ZCCHC7: variants seen among roughly 807,000 people sequenced by gnomAD.
ZCCHC7 encodes zinc finger CCHC-type containing 7.
In ZCCHC7, 35 loss-of-function variants were observed where a neutral mutation model predicts 52.0. That is an observed-to-expected ratio of 0.67 (90% CI 0.51 to 0.89). ZCCHC7 has a LOEUF of 0.89. ZCCHC7 is among the 40% of genes least tolerant of loss of function. The pLI, the probability that ZCCHC7 is intolerant of heterozygous loss-of-function variation, is 0.00. For synonymous variants in ZCCHC7, 217 were observed against 221.5 expected, an observed-to-expected ratio of 0.98 and a Z score of 0.18; for missense variants, 574 against 649.1, an observed-to-expected ratio of 0.88 and a Z score of 1.26.
rs75995803 is a variant in ZCCHC7 at position 37,355,086 on chromosome 9, A to G, written c.1198+262A>G. 0.051 allele frequency among the ~76,000 whole-genome samples: 7,752 copies of G among 152,220 alleles called. 644 individuals are homozygous for G. The highest frequency in any genetic ancestry group is 0.17 in the African/African-American group (7,260 of 41,506). On this transcript the variant is annotated intron_variant, in intron 8 of 8. Coordinates refer to ENST00000336755, the MANE Select transcript of ZCCHC7 (RefSeq NM_032226.3). Reference sequence around the variant, plus strand: ...CCAGAAAATATTGCTGTCCATCTATATAGGCAGAGTTTTTAAAGGCTCCTT... The same window carrying G: ...CCAGAAAATATTGCTGTCCATCTATGTAGGCAGAGTTTTTAAAGGCTCCTT...
chr9:37,190,006 G>A (rs1822934819), intron 2 of ZCCHC7, among the ~76,000 whole-genome samples: 1 of 152,088 alleles, frequency 6.6e-6, no homozygotes, highest in Admixed American at 6.5e-5. Context: ...GGTACTTTTT[G>A]GTTGCCTAAT....
At chr9:37,336,887 A>T (rs1830689444) in intron 6 of ZCCHC7, among the ~76,000 whole-genome samples, 1 of 152,190 alleles carries the variant, frequency 6.6e-6, no homozygotes, top group Admixed American at 6.5e-5. Context: ...CATGTACTAA[A>T]TGGTTTCTTT....
intron 5 of ZCCHC7, among the ~76,000 whole-genome samples, chr9:37,310,148 A>G (rs1022685798): frequency 2.0e-5 from 3 of 152,184 alleles, no homozygotes; most frequent in Non-Finnish European, 4.4e-5. Context: ...TATTTGGTTG[A>G]AATTCCAGAG....
rs1326254805 is a variant in ZCCHC7, at chr9:37,357,092, T to A, written c.1456T>A (p.Phe486Ile). The A allele has an allele frequency of 6.2e-7, 1 of 1,613,724 alleles. No homozygotes were observed. The highest frequency in any genetic ancestry group is 1.7e-5 in the Admixed American group (1 of 59,962). The part of the protein sequence containing the change: ...GPKTYSSPGS[F>I]KTQKPSKPFH... ...CAAAACCTACTCTTCTCCTGGCAGT[T>A]TTAAAACCCAGAAGCCTTCTAAGCC... The change falls in exon 9 of 9, where the codon TTT becomes ATT. Residue 486 changes from phenylalanine to isoleucine, a missense_variant. Physicochemically the swap from Phe to Ile is conservative, Grantham distance 21. Coordinates refer to ENST00000336755, the MANE Select transcript of ZCCHC7 (RefSeq NM_032226.3).
At chr9:37,141,324 T>G (rs1843219009) in intron 2 of ZCCHC7, among the ~76,000 whole-genome samples, 1 of 151,936 alleles carries the variant, frequency 6.6e-6, no homozygotes, top group Non-Finnish European at 1.5e-5. Flanking sequence ...GTTTCTTTGT[T>G]TTGATCTTTC....
At chr9:37,262,390 G>A (rs1176752140) in intron 2 of ZCCHC7, among the ~76,000 whole-genome samples, 1 of 152,032 alleles carries the variant, frequency 6.6e-6, no homozygotes, top group Non-Finnish European at 1.5e-5. Context: ...CTTGTTTTAT[G>A]AACTCTAATT....
chr9:37,208,991 A>G (rs1393200845), intron 2 of ZCCHC7, among the ~76,000 whole-genome samples: 3 of 152,130 alleles, frequency 2.0e-5, no homozygotes, highest in Non-Finnish European at 4.4e-5. Flanking sequence ...AAAAATATTA[A>G]TAACTTTATT....
At chr9:37,279,505 C>T (rs182910221) in intron 2 of ZCCHC7, among the ~76,000 whole-genome samples, 8 of 151,390 alleles carry the variant, frequency 5.3e-5, no homozygotes, top group African/African-American at 9.7e-5. Flanking sequence ...CTCCAAAGGA[C>T]GAAAGGACGG....
At chr9:37,126,279 A>C (rs532658574) in intron 1 of ZCCHC7, 33 bp from the exon 2 acceptor site, 14 of 1,543,190 alleles carry the variant, frequency 9.1e-6, no homozygotes, top group East Asian at 2.3e-5. Context: ...GAACTTTTAA[A>C]GTATATTCTG....
intron 2 of ZCCHC7, 53 bp from the exon 3 acceptor site, chr9:37,302,135 C>CT (rs1478975671): frequency 4.2e-6 from 6 of 1,425,520 alleles, no homozygotes; most frequent in Non-Finnish European, 5.9e-6. Context: ...TATTGTCAAT[C>CT]TATAAGTCCT....
At chr9:37,342,226 A>C (rs1820686740) in intron 6 of ZCCHC7, among the ~76,000 whole-genome samples, 1 of 152,200 alleles carries the variant, frequency 6.6e-6, no homozygotes, top group African/African-American at 2.4e-5. Flanking sequence ...ATGAGGTATA[A>C]GCAAGAGACA....
At chr9:37,313,769 C>A (rs1400697280) in intron 5 of ZCCHC7, among the ~76,000 whole-genome samples, 1 of 152,188 alleles carries the variant, frequency 6.6e-6, no homozygotes, top group Non-Finnish European at 1.5e-5. Context: ...GTGCTTGCTT[C>A]CCCTTCAACC....
intron 2 of ZCCHC7, among the ~76,000 whole-genome samples, chr9:37,166,835 C>A (rs1821449542): frequency 6.6e-6 from 1 of 152,132 alleles, no homozygotes. Flanking sequence ...TATTTAATTT[C>A]TGTACGTAAT....
chr9:37,138,624 A>G (rs1843093059), intron 2 of ZCCHC7, among the ~76,000 whole-genome samples: 1 of 151,966 alleles, frequency 6.6e-6, no homozygotes, highest in African/African-American at 2.4e-5. Context: ...CAGAAATACC[A>G]TGATATGTAT....
chr9:37,128,095 C>G (rs1842618256), intron 2 of ZCCHC7, among the ~76,000 whole-genome samples: 1 of 152,104 alleles, frequency 6.6e-6, no homozygotes, highest in Non-Finnish European at 1.5e-5. Context: ...TATAGGTGAG[C>G]TCTGATAATG....
chr9:37,242,823 C>T (rs530528788), intron 2 of ZCCHC7, among the ~76,000 whole-genome samples: 6 of 151,730 alleles, frequency 4.0e-5, no homozygotes, highest in East Asian at 1.9e-4. Flanking sequence ...GCTTTACATA[C>T]GCTTAAACAA....
intron 2 of ZCCHC7, among the ~76,000 whole-genome samples, chr9:37,290,330 A>T (rs192942503): frequency 8.8e-4 from 133 of 151,878 alleles, no homozygotes; most frequent in African/African-American, 2.8e-3. Flanking sequence ...TAGTTTGAAA[A>T]TTTTTTTTTA....
intron 2 of ZCCHC7, among the ~76,000 whole-genome samples, chr9:37,243,788 A>G (rs990220573): frequency 7.9e-5 from 12 of 151,902 alleles, no homozygotes; most frequent in African/African-American, 2.4e-4. Flanking sequence ...ATACAACTGT[A>G]TCAGCAAAAT....
chr9:37,177,296 G>C (rs1822093439), intron 2 of ZCCHC7, among the ~76,000 whole-genome samples: 1 of 152,084 alleles, frequency 6.6e-6, no homozygotes, highest in Admixed American at 6.5e-5. Flanking sequence ...GACCACGCCA[G>C]TGCATTCCAG....
Sources: gnomAD v4.1 joint callset for allele counts (sites outside exome capture counted in the v4.1 genomes callset) on GRCh38, gnomAD v4.1.1 for gene constraint, MANE v1.5 for transcripts, NCBI Gene and HGNC (gene_info 2026-07-23, HGNC 2026-07-21) for gene names.